The following PDGFRA variants were observed in gnomAD, a reference collection of about 807,000 sequenced individuals.
PDGFRA encodes the protein platelet derived growth factor receptor alpha, also known as platelet-derived growth factor receptor alpha.
PDGFRA carries 25 observed loss-of-function variants against 121.5 expected under a neutral mutation model. The ratio of observed to expected loss-of-function variants is 0.21; its 90% CI spans 0.15 to 0.29. The LOEUF is 0.29. Among genes scored for constraint, PDGFRA ranks in the 10% least tolerant of loss-of-function variants. The pLI is 1.00. For missense variants in PDGFRA, 1,008 were observed against 1,345.1 expected, an observed-to-expected ratio of 0.75 and a Z score of 3.92; for synonymous variants, 463 against 494.8, an observed-to-expected ratio of 0.94 and a Z score of 0.85.
chr4:54,281,139 C>T (rs1378845508), intron 16 of PDGFRA, among the ~76,000 whole-genome samples: 1 of 152,132 alleles, frequency 6.6e-6, no homozygotes, highest in African/African-American at 2.4e-5. Context: ...CCAGGGAGTC[C>T]AGCTGATGCC....
intron 1 of PDGFRA, 145 bp downstream of exon 1, chr4:54,229,560 A>C (rs1720544363): frequency 9.2e-6 from 3 of 325,170 alleles, no homozygotes; most frequent in Non-Finnish European, 1.7e-5. Context: ...CCAGAGAGTA[A>C]TTTTTTTTTT....
intron 12 of PDGFRA, among the ~76,000 whole-genome samples, chr4:54,275,251 G>A (rs1723656409): frequency 6.6e-6 from 1 of 152,102 alleles, no homozygotes; most frequent in African/African-American, 2.4e-5. Context: ...CACCAAAATT[G>A]CTTTTCTTTA....
At chr4:54,292,249 C>T (rs1251721340) in intron 22 of PDGFRA, among the ~76,000 whole-genome samples, 5 of 152,100 alleles carry the variant, frequency 3.3e-5, no homozygotes, top group Non-Finnish European at 7.4e-5. Flanking sequence ...TTCACAATAG[C>T]AAAATCATGG....
intron 19 of PDGFRA, 148 bp from the exon 20 acceptor site, chr4:54,288,651 G>A (rs1724471748): frequency 2.8e-6 from 2 of 714,082 alleles, no homozygotes; most frequent in African/African-American, 1.7e-5. Context: ...TGAAGTCAAG[G>A]AGATGATGAC....
chr4:54,276,514 T>G (rs1469362063), intron 12 of PDGFRA, among the ~76,000 whole-genome samples: 2 of 152,198 alleles, frequency 1.3e-5, no homozygotes, highest in East Asian at 3.9e-4. Flanking sequence ...ATCTAAGCTT[T>G]CTTTATTTTC....
rs1052378506 is a variant in PDGFRA at position 54,298,046 on chromosome 4, A to G, written c.*2774A>G. ...TAACTGTTGCACTTTTGAATGTCCAAAATTTATATTTTAGAAATAATAAAA... is the reference window on the plus strand; with the variant it reads ...TAACTGTTGCACTTTTGAATGTCCAGAATTTATATTTTAGAAATAATAAAA... On this transcript the variant is annotated 3_prime_UTR_variant, in exon 23 of 23. Transcript: ENST00000257290. The G allele has an allele frequency of 2.2e-5, 5 of 228,398 alleles. No homozygotes were observed. The Admixed American group carries it at 2.3e-4, about 10-fold the overall frequency. The allele number at this position is 228,398 out of a possible 1,614,324, so 14.1% of individuals were successfully genotyped here.
chr4:54,234,528 T>A (rs1189161556), intron 1 of PDGFRA, among the ~76,000 whole-genome samples: 1 of 152,222 alleles, frequency 6.6e-6, no homozygotes, highest in Non-Finnish European at 1.5e-5. Context: ...TTATTTATTT[T>A]TTGCTCAGTA....
At chr4:54,281,620 TGA>T in intron 16 of PDGFRA, 1 of 1,357,282 alleles carries the variant, frequency 7.4e-7, no homozygotes, top group Non-Finnish European at 9.7e-7. Flanking sequence ...CAGAGGAACC[TGA>T]GTCATGCTCA....
chr4:54,271,260 G>C (rs1388726314), intron 8 of PDGFRA, among the ~76,000 whole-genome samples: 2 of 152,160 alleles, frequency 1.3e-5, no homozygotes, highest in African/African-American at 2.4e-5. Flanking sequence ...TTCAGGCTCA[G>C]CACCTATCCA....
intron 4 of PDGFRA, chr4:54,264,279 T>C: frequency 2.5e-6 from 1 of 403,836 alleles, no homozygotes; most frequent in Non-Finnish European, 4.4e-6. Context: ...TTAATTTTAG[T>C]AACTTAAGAA....
chr4:54,233,413 T>G (rs1392081576), intron 1 of PDGFRA, among the ~76,000 whole-genome samples: 1 of 152,156 alleles, frequency 6.6e-6, no homozygotes, highest in Non-Finnish European at 1.5e-5. Context: ...ACCAGGAGCC[T>G]GGGCTGCGGG....
intron 7 of PDGFRA, among the ~76,000 whole-genome samples, chr4:54,269,008 G>T (rs898445726): frequency 6.6e-6 from 1 of 152,184 alleles, no homozygotes; most frequent in Non-Finnish European, 1.5e-5. Context: ...AGATGAACAT[G>T]GTAGATGGGG....
intron 20 of PDGFRA, 40 bp from the exon 21 acceptor site, chr4:54,288,969 G>C (rs1724494535): frequency 6.6e-7 from 1 of 1,526,682 alleles, no homozygotes; most frequent in Admixed American, 1.7e-5. Flanking sequence ...GGGGCCCTGA[G>C]ACTTCCCCCT....
At chr4:54,290,788 TTCCCTGGTGGAGAA>T (rs972117770) in intron 22 of PDGFRA, among the ~76,000 whole-genome samples, 3 of 152,210 alleles carry the variant, frequency 2.0e-5, no homozygotes, top group Non-Finnish European at 4.4e-5. Context: ...AGGGACATGC[TTCCCTGGTGGAGAA>T]TCTTTGAGCT....
At chr4:54,268,005 G>A (rs1268015599) in intron 7 of PDGFRA, among the ~76,000 whole-genome samples, 2 of 152,180 alleles carry the variant, frequency 1.3e-5, no homozygotes, top group African/African-American at 2.4e-5. Flanking sequence ...TTCAGCTAGG[G>A]TGGAAGAAAG....
intron 16 of PDGFRA, 194 bp downstream of exon 16, chr4:54,280,676 G>GC: frequency 2.1e-6 from 1 of 475,556 alleles, no homozygotes; most frequent in South Asian, 3.8e-5. Flanking sequence ...AAGAATAAAA[G>GC]CTGACAATGT....
At chr4:54,241,112 T>G (rs1296356654) in intron 1 of PDGFRA, among the ~76,000 whole-genome samples, 1 of 152,210 alleles carries the variant, frequency 6.6e-6, no homozygotes, top group Non-Finnish European at 1.5e-5. Flanking sequence ...CATATATAAC[T>G]CTGTATAAAT....
chr4:54,288,961 G>T (rs1348686340), intron 20 of PDGFRA, 48 bp from the exon 21 acceptor site: 5 of 1,515,980 alleles, frequency 3.3e-6, no homozygotes, highest in Non-Finnish European at 4.6e-6. Flanking sequence ...GGGAGGGAGG[G>T]GCCCTGAGAC....
At chr4:54,235,316 C>T (rs1720950662) in intron 1 of PDGFRA, among the ~76,000 whole-genome samples, 1 of 152,314 alleles carries the variant, frequency 6.6e-6, no homozygotes, top group South Asian at 2.1e-4. Flanking sequence ...ATGGGATGCA[C>T]TGTGCAATTG....
Sources: allele counts gnomAD v4.1 joint callset (sites outside exome capture counted in the v4.1 genomes callset), GRCh38; gene constraint gnomAD v4.1.1; transcripts MANE v1.5; gene names NCBI Gene and HGNC (gene_info 2026-07-23, HGNC 2026-07-21).